GDA: variants seen among roughly 807,000 people sequenced by gnomAD.
GDA encodes guanine deaminase.
Under a neutral mutation model 59.6 loss-of-function variants are expected in GDA, and 18 were observed. The ratio of observed to expected loss-of-function variants is 0.30; its 90% CI spans 0.21 to 0.45. GDA has a LOEUF of 0.45. GDA is among the 20% of genes least tolerant of loss of function. GDA has a pLI of 1.00. For synonymous variants in GDA, 201 were observed against 201.1 expected, an observed-to-expected ratio of 1.00 and a Z score of 0.00; for missense variants, 427 against 552.3, an observed-to-expected ratio of 0.77 and a Z score of 2.27.
intron 1 of GDA, among the ~76,000 whole-genome samples, chr9:72,178,697 C>T (rs1178743540): frequency 1.3e-5 from 2 of 152,056 alleles, no homozygotes; most frequent in African/African-American, 4.8e-5. Flanking sequence ...GGATTACAGG[C>T]GTGAGCCACC....
intron 2 of GDA, among the ~76,000 whole-genome samples, chr9:72,197,889 AG>A (rs1056137696): frequency 5.3e-5 from 8 of 152,106 alleles, no homozygotes; most frequent in Non-Finnish European, 1.2e-4. Context: ...CTGGATTTTT[AG>A]AAAAGGGAAA....
chr9:72,203,997 A>G (rs368626693), intron 3 of GDA, among the ~76,000 whole-genome samples: 189 of 152,106 alleles, frequency 1.2e-3, no homozygotes, highest in African/African-American at 4.4e-3. Flanking sequence ...TTCTATTTTT[A>G]GTAGAGACGG....
At chr9:72,225,272 C>T (rs995579384) in intron 7 of GDA, among the ~76,000 whole-genome samples, 1 of 152,104 alleles carries the variant, frequency 6.6e-6, no homozygotes, top group Non-Finnish European at 1.5e-5. Flanking sequence ...CAGAGCCAGA[C>T]CCTATCTCAA....
upstream of GDA, among the ~76,000 whole-genome samples, chr9:72,148,245 C>T (rs148529303): frequency 1.0e-3 from 153 of 151,696 alleles, 1 homozygote; most frequent in African/African-American, 3.6e-3. Flanking sequence ...TATGGAACAC[C>T]GGCATTGTTC....
intron 1 of GDA, among the ~76,000 whole-genome samples, chr9:72,140,403 G>A (rs1027603373): frequency 1.3e-5 from 2 of 152,090 alleles, no homozygotes; most frequent in African/African-American, 4.8e-5. Flanking sequence ...AGGAAAGAGG[G>A]CAGAGAGAGA....
intron 5 of GDA, among the ~76,000 whole-genome samples, chr9:72,217,853 C>T (rs1484460672): frequency 6.6e-6 from 1 of 151,962 alleles, no homozygotes; most frequent in Admixed American, 6.6e-5. Flanking sequence ...AATGGCATTT[C>T]TATAGTACCT....
chr9:72,217,142 A>C, intron 5 of GDA, among the ~76,000 whole-genome samples: 1 of 152,354 alleles, frequency 6.6e-6, no homozygotes, highest in East Asian at 1.9e-4. Context: ...ATACTTCAAT[A>C]TAAATAGTTT....
intron 1 of GDA, among the ~76,000 whole-genome samples, chr9:72,171,295 C>T (rs76300081): frequency 0.032 from 4,815 of 152,260 alleles, 276 homozygotes; most frequent in African/African-American, 0.11. Flanking sequence ...TTTGCCTGAT[C>T]ATTTTTGATT....
intron 10 of GDA, among the ~76,000 whole-genome samples, chr9:72,234,396 A>G (rs1838723809): frequency 6.6e-6 from 1 of 152,232 alleles, no homozygotes; most frequent in African/African-American, 2.4e-5. Flanking sequence ...TAAGTTATAT[A>G]TGTATTATGA....
At chr9:72,177,995 A>G (rs1368078201) in intron 1 of GDA, among the ~76,000 whole-genome samples, 1 of 152,150 alleles carries the variant, frequency 6.6e-6, no homozygotes, top group Non-Finnish European at 1.5e-5. Flanking sequence ...CTGTACTTTC[A>G]TGTTTCTTGA....
intron 1 of GDA, among the ~76,000 whole-genome samples, chr9:72,186,406 C>T (rs11143157): frequency 0.24 from 36,461 of 151,930 alleles, 4,808 homozygotes; most frequent in East Asian, 0.55. Context: ...AATGCTCTTC[C>T]CCAAATGTCT....
intron 1 of GDA, among the ~76,000 whole-genome samples, chr9:72,154,284 C>T (rs1472802377): frequency 1.3e-5 from 2 of 152,134 alleles, no homozygotes; most frequent in African/African-American, 2.4e-5. Context: ...CTGCCTGAGC[C>T]TCCGTTTCCT....
chr9:72,238,405 A>G (rs1265892301), intron 10 of GDA, among the ~76,000 whole-genome samples: 1 of 152,240 alleles, frequency 6.6e-6, no homozygotes, highest in African/African-American at 2.4e-5. Flanking sequence ...CTAAAGTGAA[A>G]ACAACTTATT....
intron 11 of GDA, among the ~76,000 whole-genome samples, chr9:72,242,440 A>G (rs1235576374): frequency 6.6e-6 from 1 of 152,240 alleles, no homozygotes; most frequent in Admixed American, 6.5e-5. Context: ...AATGGATGAT[A>G]GTGAAACACA....
At chr9:72,160,384 A>T (rs1297359893) in intron 1 of GDA, among the ~76,000 whole-genome samples, 1 of 151,882 alleles carries the variant, frequency 6.6e-6, no homozygotes, top group Non-Finnish European at 1.5e-5. Context: ...TTAAGCAGTC[A>T]CTCCTTATTT....
intron 1 of GDA, among the ~76,000 whole-genome samples, chr9:72,164,807 C>T (rs573436929): frequency 6.6e-6 from 1 of 151,674 alleles, no homozygotes; most frequent in Non-Finnish European, 1.5e-5. Context: ...CATGGTGAAA[C>T]CCTGTCTCTA....
At chr9:72,138,488 C>T (rs1281193822) in intron 1 of GDA, among the ~76,000 whole-genome samples, 1 of 152,212 alleles carries the variant, frequency 6.6e-6, no homozygotes, top group Non-Finnish European at 1.5e-5. Flanking sequence ...ATCAATATTT[C>T]TTGCATACTT....
intron 11 of GDA, 33 bp from the exon 12 acceptor site, chr9:72,245,115 A>G (rs771439388): frequency 1.6e-5 from 25 of 1,611,106 alleles, no homozygotes; most frequent in Non-Finnish European, 1.8e-5. Flanking sequence ...GATGGCTTGC[A>G]ATCCTGACTG....
At chr9:72,212,626 A>G (rs1295161083) in intron 4 of GDA, among the ~76,000 whole-genome samples, 2 of 152,148 alleles carry the variant, frequency 1.3e-5, no homozygotes, top group Non-Finnish European at 2.9e-5. Flanking sequence ...ACCAAATAAT[A>G]TCCACCACCT....
Sources: allele counts gnomAD v4.1 joint callset (sites outside exome capture counted in the v4.1 genomes callset), GRCh38; gene constraint gnomAD v4.1.1; transcripts MANE v1.5; gene names NCBI Gene and HGNC (gene_info 2026-07-23, HGNC 2026-07-21).